RANBP2: variants seen among roughly 807,000 people sequenced by gnomAD.
RANBP2 encodes the protein E3 SUMO-protein ligase RanBP2.
A neutral mutation model predicts 303.6 loss-of-function variants in RANBP2; 57 were observed. The observed-to-expected ratio is 0.19, with a 90% CI of 0.15 to 0.23. The LOEUF is 0.23. Among genes scored for constraint, RANBP2 ranks in the 10% least tolerant of loss-of-function variants. The pLI is 1.00. For missense variants in RANBP2, 3,138 were observed against 3,780.8 expected (o/e 0.83, Z 4.46); for synonymous variants, 1,167 against 1,301.5 (o/e 0.90, Z 2.23).
At chr2:109,691,358 G>A in the RANBP2 span, among the ~76,000 whole-genome samples, 2 of 152,132 alleles carry the variant, frequency 1.3e-5, no homozygotes, top group African/African-American at 2.4e-5. Context: ...AGAGCCACAG[G>A]TCGGTGATCA....
chr2:108,854,022 ATT>A, the RANBP2 span, among the ~76,000 whole-genome samples: 1 of 109,188 alleles, frequency 9.2e-6, no homozygotes, highest in African/African-American at 3.7e-5. Context: ...TATATAATAA[ATT>A]TATATTATAT....
the RANBP2 span, among the ~76,000 whole-genome samples, chr2:109,709,784 A>C: frequency 2.0e-5 from 3 of 152,196 alleles, no homozygotes; most frequent in Non-Finnish European, 4.4e-5. Context: ...GAGAAACAAA[A>C]TGATTTTAAA....
the RANBP2 span, chr2:108,798,527 T>G: frequency 6.2e-7 from 1 of 1,614,004 alleles, no homozygotes; most frequent in Non-Finnish European, 8.5e-7. Context: ...TGAAAATGCC[T>G]TGAGTAAAAT....
At chr2:109,663,223 C>A in the RANBP2 span, among the ~76,000 whole-genome samples, 1 of 152,186 alleles carries the variant, frequency 6.6e-6, no homozygotes, top group South Asian at 2.1e-4. Context: ...AGCTTAAAAC[C>A]TCCTTCATCC....
At chr2:109,588,214 T>C in the RANBP2 span, among the ~76,000 whole-genome samples, 1 of 151,968 alleles carries the variant, frequency 6.6e-6, no homozygotes, top group Non-Finnish European at 1.5e-5. Flanking sequence ...GAAAATCCAC[T>C]GCCAGTTGGC....
the RANBP2 span, among the ~76,000 whole-genome samples, chr2:108,970,685 C>G: frequency 6.6e-6 from 1 of 152,096 alleles, no homozygotes; most frequent in Non-Finnish European, 1.5e-5. Context: ...TTGGAGAAGA[C>G]AGAAAAACCA....
chr2:109,343,342 G>T, the RANBP2 span, among the ~76,000 whole-genome samples: 1 of 152,054 alleles, frequency 6.6e-6, no homozygotes, highest in Non-Finnish European at 1.5e-5. Flanking sequence ...CAAATAAACT[G>T]CCTCTCGGCA....
chr2:109,724,073 GT>G, the RANBP2 span, among the ~76,000 whole-genome samples: 1 of 152,138 alleles, frequency 6.6e-6, no homozygotes, highest in Non-Finnish European at 1.5e-5. Context: ...AGATCAGATG[GT>G]TGTAGGTGTG....
At chr2:109,355,708 C>T in the RANBP2 span, among the ~76,000 whole-genome samples, 13 of 152,260 alleles carry the variant, frequency 8.5e-5, no homozygotes, top group South Asian at 2.5e-3. Flanking sequence ...GAGTGGAGAC[C>T]CTGGGGACGC....
At chr2:109,725,076 C>T in the RANBP2 span, among the ~76,000 whole-genome samples, 1 of 152,174 alleles carries the variant, frequency 6.6e-6, no homozygotes, top group East Asian at 1.9e-4. Context: ...TGCTGAGTGG[C>T]CACCGTGTGC....
At chr2:109,458,649 G>T in the RANBP2 span, among the ~76,000 whole-genome samples, 1 of 146,158 alleles carries the variant, frequency 6.8e-6, no homozygotes, top group Non-Finnish European at 1.5e-5. Context: ...TGGCAAGCCT[G>T]AATTCTGTGG....
chr2:109,547,522 A>T, the RANBP2 span, among the ~76,000 whole-genome samples: 1 of 152,268 alleles, frequency 6.6e-6, no homozygotes, highest in South Asian at 2.1e-4. Context: ...TAAAGAATAC[A>T]ATTCAGCAGT....
At chr2:109,212,652 A>G in the RANBP2 span, among the ~76,000 whole-genome samples, 2 of 152,076 alleles carry the variant, frequency 1.3e-5, no homozygotes, top group East Asian at 1.9e-4. Context: ...CCAGATAGCA[A>G]CCTCCCTTTT....
chr2:109,257,684 C>T, the RANBP2 span, among the ~76,000 whole-genome samples: 25 of 152,140 alleles, frequency 1.6e-4, no homozygotes, highest in Non-Finnish European at 2.8e-4. Flanking sequence ...GCCACTGACA[C>T]GTTCATTACC....
At chr2:108,788,834 T>G, downstream of RANBP2, 3 of 1,613,942 alleles carry the variant, frequency 1.9e-6, no homozygotes, top group Non-Finnish European at 2.5e-6. Flanking sequence ...TCTTTCATGG[T>G]TTCTTTGTCG....
the RANBP2 span, among the ~76,000 whole-genome samples, chr2:108,870,161 GAAAC>G: frequency 3.3e-5 from 5 of 151,996 alleles, no homozygotes; most frequent in East Asian, 3.9e-4. Context: ...TGTCAACAAA[GAAAC>G]AAATTATTTA....
At chr2:109,465,562 C>A in the RANBP2 span, among the ~76,000 whole-genome samples, 1 of 152,190 alleles carries the variant, frequency 6.6e-6, no homozygotes, top group Non-Finnish European at 1.5e-5. Flanking sequence ...TTATACTTTG[C>A]AGTTCCCTAA....
chr2:109,389,581 T>C, the RANBP2 span, among the ~76,000 whole-genome samples: 201 of 152,310 alleles, frequency 1.3e-3, no homozygotes, highest in Admixed American at 3.3e-3. Flanking sequence ...AAGCCAGAGA[T>C]CTCCAAGGTA....
At chr2:109,544,494 G>C in the RANBP2 span, 2 of 985,200 alleles carry the variant, frequency 2.0e-6, no homozygotes, top group Non-Finnish European at 2.4e-6. Flanking sequence ...TTCTTCTAGA[G>C]AGCTCTCAAA....
Sources: allele counts gnomAD v4.1 joint callset (sites outside exome capture counted in the v4.1 genomes callset), GRCh38; gene constraint gnomAD v4.1.1; transcripts MANE v1.5; gene names NCBI Gene and HGNC (gene_info 2026-07-23, HGNC 2026-07-21).